PSAPL1: variants seen among roughly 807,000 people sequenced by gnomAD.
The protein encoded by PSAPL1 is proactivator polypeptide-like 1.
For missense variants in PSAPL1, 814 were observed against 688.8 expected (o/e 1.18, Z -2.03); for synonymous variants, 351 against 291.6 (o/e 1.20, Z -2.08).
Position 7,434,655 on chromosome 4 carries a change from G to T in PSAPL1, c.225C>A (p.Gly75=), listed in dbSNP as rs1346277121. 15 of 1,612,886 alleles carry T rather than the reference G, an allele frequency of 9.3e-6. No individual in the cohort carries two copies. The highest frequency in any genetic ancestry group is 1.3e-5 in the Non-Finnish European group (15 of 1,179,578). The change falls in exon 1 of 1, where the codon GGC becomes GGA. Residue 75 remains glycine, a synonymous_variant. Coordinates refer to ENST00000319098, the MANE Select transcript of PSAPL1 (RefSeq NM_001085382.2). The part of the protein sequence containing the change: ...DVCQDIAAAA[G]NGLNPDATES... Reference sequence around the variant, plus strand: ...CCGTGGCGTCAGGGTTCAGCCCATTGCCAGCGGCGGCTGCTATGTCCTGGC... The same window carrying T: ...CCGTGGCGTCAGGGTTCAGCCCATTTCCAGCGGCGGCTGCTATGTCCTGGC...
chr4:7,431,260 T>C lies in PSAPL1; in HGVS notation c.*2054A>G, dbSNP rs926663763. 6 of 151,718 alleles carry C rather than the reference T, an allele frequency of 4.0e-5. No homozygotes were observed. Among genetic ancestry groups the C allele is most frequent in the African/African-American group, 9.7e-5 (4 of 41,226 alleles). The allele number at this position is 151,718 out of a possible 1,614,324, so 9.4% of individuals were successfully genotyped here. A position where few individuals can be genotyped will look rare whatever the true frequency, so the allele number is the denominator to read the frequency against. ...GCAGCTGGTACCCAGGCCCAAGGGG[T>C]GGGTAGGGAAGAGGGTGTGGGGACA... On this transcript the variant is annotated 3_prime_UTR_variant, in exon 1 of 1. Transcript: ENST00000319098.
Position 7,433,319 on chromosome 4 carries a change from C to G in PSAPL1, c.1561G>C (p.Ala521Pro), listed in dbSNP as rs1056786507. ...KEMHLHAGEH[A>P] ...TGGGTCTCTGGCAGCCACGGTCACG[C>G]GTGTTCCCCAGCGTGGAGGTGCATC... The change falls in exon 1 of 1, where the codon GCG becomes CCG. Residue 521 changes from alanine to proline, a missense_variant. By Grantham distance (27) the Ala-to-Pro change is conservative. Coordinates refer to ENST00000319098, the MANE Select transcript of PSAPL1 (RefSeq NM_001085382.2). The G allele has an allele frequency of 2.8e-6, 4 of 1,406,170 alleles. 1 individual carries two copies. Among genetic ancestry groups the G allele is most frequent in the Non-Finnish European group, 3.7e-6 (4 of 1,076,992 alleles). The allele number at this position is 1,406,170 out of a possible 1,614,324, so 87.1% of individuals were successfully genotyped here. A position where few individuals can be genotyped will look rare whatever the true frequency, so the allele number is the denominator to read the frequency against.
At chr4:7,434,234 AG>A in the PSAPL1 span, 3 of 1,613,596 alleles carry the variant, frequency 1.9e-6, no homozygotes, top group South Asian at 3.3e-5. Context: ...CCAGGCCCCA[AG>A]GACTCACACT....
Position 7,433,774 on chromosome 4 carries a change from C to G in PSAPL1, c.1106G>C (p.Arg369Pro). Reference sequence around the variant, plus strand: ...ATCATGGACTGCCCGGGCCCGCCTCCGGTTGCCACACAGACGGATGAACTT... The same window carrying G: ...ATCATGGACTGCCCGGGCCCGCCTCGGGTTGCCACACAGACGGATGAACTT... ...VCKFIRLCGN[R>P]RRARAVHDAY... Residue 369 changes from arginine (R) to proline (P), a missense_variant, in exon 1 of 1, where the codon CGG becomes CCG. By Grantham distance (103) the Arg-to-Pro change is moderately radical. Transcript: ENST00000319098. 8 of 1,613,482 alleles carry G rather than the reference C, an allele frequency of 5.0e-6. No homozygotes were observed. The highest frequency in any genetic ancestry group is 5.9e-6 in the Non-Finnish European group (7 of 1,179,824).
Position 7,433,913 on chromosome 4 carries a change from G to T in PSAPL1, c.967C>A (p.Arg323Ser). 6.2e-7 allele frequency: 1 copy of T among 1,613,826 alleles called. No homozygotes were observed. The highest frequency in any genetic ancestry group is 8.5e-7 in the Non-Finnish European group (1 of 1,179,882). The change falls in exon 1 of 1, where the codon CGC (arginine) becomes AGC (serine). Residue 323 changes from arginine (R) to serine (S), a missense_variant. By Grantham distance (110) the Arg-to-Ser change is moderately radical. Coordinates refer to ENST00000319098, the MANE Select transcript of PSAPL1 (RefSeq NM_001085382.2). ...SELMITHALE[R>S]VCSVMPASIT... ...GAGGCAGGCATTACCGAGCACACGC[G>T]CTCCAGGGCATGGGTGATCATGAGC...
At position 7,433,582 on chromosome 4, in the gene PSAPL1, G is replaced by T. The variant is rs1445656021; in HGVS notation, c.1298C>A (p.Pro433His). The T allele has an allele frequency of 1.4e-5, 22 of 1,611,442 alleles. No individual in the cohort carries two copies. Among genetic ancestry groups the T allele is most frequent in the Non-Finnish European group, 1.8e-5 (21 of 1,179,072 alleles). The change falls in exon 1 of 1, where the codon CCC becomes CAC. Residue 433 changes from proline to histidine, a missense_variant. Pro to His is a moderately conservative substitution (Grantham distance 77). Transcript: ENST00000319098. ...GAAGTGCTTGCACTGGATCATATAG[G>T]GCAGCGGCAGGATGCTGCAGCCACC... ...FKGGCSILPLPYMIQCKHFVT... is the reference protein window; with the variant it reads ...FKGGCSILPLHYMIQCKHFVT...
Position 7,431,447 on chromosome 4 carries a change from C to T in PSAPL1, c.*1867G>A, listed in dbSNP as rs1726847490. Reference sequence around the variant, plus strand: ...ACATACTTCCCGGTAGGCATCCTCCCGACTCACAGCCAAGCCAGAGGAGGG... The same window carrying T: ...ACATACTTCCCGGTAGGCATCCTCCTGACTCACAGCCAAGCCAGAGGAGGG... On this transcript the variant is annotated 3_prime_UTR_variant, in exon 1 of 1. Coordinates refer to ENST00000319098, the MANE Select transcript of PSAPL1 (RefSeq NM_001085382.2). 3 of 152,350 alleles carry T rather than the reference C, an allele frequency of 2.0e-5. No individual in the cohort carries two copies. Among genetic ancestry groups the T allele is most frequent in the Admixed American group, 6.5e-5 (1 of 15,296 alleles). 9.4% of individuals were successfully genotyped at this position (152,350 alleles called of 1,614,324 possible).
Position 7,431,869 on chromosome 4 carries a change from C to T in PSAPL1, c.*1445G>A, listed in dbSNP as rs1253472471. 1 of 152,276 alleles carries T rather than the reference C, an allele frequency of 6.6e-6. No homozygotes were observed. Among genetic ancestry groups the T allele is most frequent in the African/African-American group, 2.4e-5 (1 of 41,460 alleles). The allele number at this position is 152,276 out of a possible 1,614,324, so 9.4% of individuals were successfully genotyped here. A position where few individuals can be genotyped will look rare whatever the true frequency, so the allele number is the denominator to read the frequency against. On this transcript the variant is annotated 3_prime_UTR_variant, in exon 1 of 1. Coordinates refer to ENST00000319098, the MANE Select transcript of PSAPL1 (RefSeq NM_001085382.2). ...CCTCTTGGAAAACAGCACCCGCTCA[C>T]ATCCCGTCCATCCAGGCCTGGCGCA...
In PSAPL1 at chr4:7,434,128, C is replaced by T. The variant is rs1172616004; in HGVS notation, c.752G>A (p.Gly251Glu). 6.2e-7 allele frequency: 1 copy of T among 1,613,256 alleles called. No individual in the cohort carries two copies. Among genetic ancestry groups the T allele is most frequent in the Non-Finnish European group, 8.5e-7 (1 of 1,179,358 alleles). Residue 251 changes from glycine (G) to glutamate (E), a missense_variant, in exon 1 of 1, where the codon GGG becomes GAG. By Grantham distance (98) the Gly-to-Glu change is moderately conservative (BLOSUM62 -2). Transcript: ENST00000319098. Reference protein sequence around the residue: ...LLPPQELCRKGGFCEELGAPA... With the variant: ...LLPPQELCRKEGFCEELGAPA... Reference sequence around the variant, plus strand: ...TGCCCCTAGCTCCTCACAGAATCCCCCCTTCCTGCAGAGCTCCTGCGGGGG... The same window carrying T: ...TGCCCCTAGCTCCTCACAGAATCCCTCCTTCCTGCAGAGCTCCTGCGGGGG...
chr4:7,434,243 AC>A, the PSAPL1 span: 1 of 1,613,546 alleles, frequency 6.2e-7, no homozygotes, highest in Non-Finnish European at 8.5e-7. Flanking sequence ...AAGGACTCAC[AC>A]TGCTCCTGGA....
At position 7,433,998 on chromosome 4, in the gene PSAPL1, A is replaced by G; in HGVS notation, c.882T>C (p.Cys294=). 2 of 1,613,398 alleles carry G rather than the reference A, an allele frequency of 1.2e-6. No homozygotes were observed. Among genetic ancestry groups the G allele is most frequent in the Non-Finnish European group, 1.7e-6 (2 of 1,179,488 alleles). ...TCTGCACCACGTTCATGCACACCTC[A>G]CAGGTCACACCGGCCTTCATCTGCA... is the stretch of plus-strand genomic sequence containing the variant. ...SEMQMKAGVT[C]EVCMNVVQKL... The change falls in exon 1 of 1, where the codon TGT becomes TGC. Residue 294 remains cysteine, a synonymous_variant. Coordinates refer to ENST00000319098, the MANE Select transcript of PSAPL1 (RefSeq NM_001085382.2).
rs1231529367 is a variant in PSAPL1 at position 7,433,172 on chromosome 4, G to T, written c.*142C>A. ...TTAAGAGAGAGGCTTTCGGGATCAGGAATACTTGGTTTTGAACTTCAGCTC... is the reference window on the plus strand; with the variant it reads ...TTAAGAGAGAGGCTTTCGGGATCAGTAATACTTGGTTTTGAACTTCAGCTC... On this transcript the variant is annotated 3_prime_UTR_variant, in exon 1 of 1. Transcript: ENST00000319098. 9.5e-6 allele frequency: 8 copies of T among 838,202 alleles called. No individual in the cohort carries two copies. The highest frequency in any genetic ancestry group is 1.3e-5 in the Non-Finnish European group (8 of 609,814). The allele number at this position is 838,202 out of a possible 1,614,324, so 51.9% of individuals were successfully genotyped here. A position where few individuals can be genotyped will look rare whatever the true frequency, so the allele number is the denominator to read the frequency against.
rs745544919 is a variant in PSAPL1, at chr4:7,434,739, C to T, written c.141G>A (p.Gly47=). The change falls in exon 1 of 1, where the codon GGG becomes GGA. Residue 47 remains glycine (G), a synonymous_variant. Transcript: ENST00000319098. ...TGTTCCATACGGCCCCTTGGCAGTA[C>T]CCCACAGCCCCGCACCTGGCAGCTG... ...LQTAARCGAV[G]YCQGAVWNKP... 1 of 1,613,060 alleles carries T rather than the reference C, an allele frequency of 6.2e-7. No individual in the cohort carries two copies. Among genetic ancestry groups the T allele is most frequent in the Non-Finnish European group, 8.5e-7 (1 of 1,179,594 alleles).
In PSAPL1 at chr4:7,433,940, C is replaced by T. The variant is rs368136538; in HGVS notation, c.940G>A (p.Glu314Lys). 6.2e-7 allele frequency: 1 copy of T among 1,613,780 alleles called. No homozygotes were observed. Among genetic ancestry groups the T allele is most frequent in the African/African-American group, 1.3e-5 (1 of 74,932 alleles). ...LDHWLMSNSS[E>K]LMITHALERV... ...TCCAGGGCATGGGTGATCATGAGCTCAGAGCTGTTGGACATGAGCCAGTGG... is the reference window on the plus strand; with the variant it reads ...TCCAGGGCATGGGTGATCATGAGCTTAGAGCTGTTGGACATGAGCCAGTGG... Residue 314 changes from glutamate (E) to lysine (K), a missense_variant, in exon 1 of 1, where the codon GAG becomes AAG. Glu to Lys is a moderately conservative substitution (Grantham distance 56). Transcript: ENST00000319098.
Position 7,433,318 on chromosome 4 carries a change from G to C in PSAPL1, c.1562C>G (p.Ala521Gly). 1.4e-6 allele frequency: 2 copies of C among 1,403,154 alleles called. No homozygotes were observed. Among genetic ancestry groups the C allele is most frequent in the Non-Finnish European group, 1.9e-6 (2 of 1,075,528 alleles). 86.9% of individuals were successfully genotyped at this position (1,403,154 alleles called of 1,614,324 possible). The change falls in exon 1 of 1, where the codon GCG becomes GGG. Residue 521 changes from alanine (A) to glycine (G), a missense_variant. Transcript: ENST00000319098. ...KEMHLHAGEHA is the reference protein window; with the variant it reads ...KEMHLHAGEHG ...CTGGGTCTCTGGCAGCCACGGTCAC[G>C]CGTGTTCCCCAGCGTGGAGGTGCAT...
chr4:7,433,091 A>G lies in PSAPL1; in HGVS notation c.*223T>C, dbSNP rs1726996101. 2 of 397,566 alleles carry G rather than the reference A, an allele frequency of 5.0e-6. No homozygotes were observed. The highest frequency in any genetic ancestry group is 2.1e-5 in the African/African-American group (1 of 48,572). 24.6% of individuals were successfully genotyped at this position (397,566 alleles called of 1,614,324 possible). On this transcript the variant is annotated 3_prime_UTR_variant, in exon 1 of 1. Coordinates refer to ENST00000319098, the MANE Select transcript of PSAPL1 (RefSeq NM_001085382.2). ...GCTGGGTCAGGGAGCGGGGCACATGAGTGTGTTCCGGTCCAGTAGAGATGC... is the reference window on the plus strand; with the variant it reads ...GCTGGGTCAGGGAGCGGGGCACATGGGTGTGTTCCGGTCCAGTAGAGATGC...
Position 7,430,509 on chromosome 4 carries a change from A to ACGT in PSAPL1, c.*2802_*2804dup. 1 of 152,238 alleles carries ACGT rather than the reference A, an allele frequency of 6.6e-6. No homozygotes were observed. Among genetic ancestry groups the ACGT allele is most frequent in the East Asian group, 1.9e-4 (1 of 5,188 alleles). 9.4% of individuals were successfully genotyped at this position (152,238 alleles called of 1,614,324 possible). ...GGGCAGCATCCATAGGTGTTCTGGG[A>ACGT]CGTCCCAGGCCTCCGCCTTACGATG... On this transcript the variant is annotated 3_prime_UTR_variant, in exon 1 of 1. Coordinates refer to ENST00000319098, the MANE Select transcript of PSAPL1 (RefSeq NM_001085382.2).
At position 7,434,793 on chromosome 4, in the gene PSAPL1, G is replaced by A; in HGVS notation, c.87C>T (p.Gly29=). ...PTSGPQECAK[G]STVWCQDLQT... Reference sequence around the variant, plus strand: ...GCAGATCCTGACACCACACCGTGGAGCCCTTTGCACACTCCTGGGGGCCTG... The same window carrying A: ...GCAGATCCTGACACCACACCGTGGAACCCTTTGCACACTCCTGGGGGCCTG... Residue 29 remains glycine (G), a synonymous_variant, in exon 1 of 1, where the codon GGC becomes GGT. Coordinates refer to ENST00000319098, the MANE Select transcript of PSAPL1 (RefSeq NM_001085382.2). 1 of 1,610,858 alleles carries A rather than the reference G, an allele frequency of 6.2e-7. No individual in the cohort carries two copies. The highest frequency in any genetic ancestry group is 1.1e-5 in the South Asian group (1 of 90,370).
chr4:7,434,566 G>T lies in PSAPL1; in HGVS notation c.314C>A (p.Ala105Asp). ...CEWLPSQESS[A>D]GCKWMVDAHS... ...GGCATCCACCATCCACTTGCATCCGGCTGAAGACTCCTGGCTGGGGAGCCA... is the reference window on the plus strand; with the variant it reads ...GGCATCCACCATCCACTTGCATCCGTCTGAAGACTCCTGGCTGGGGAGCCA... Residue 105 changes from alanine (A) to aspartate (D), a missense_variant, in exon 1 of 1, where the codon GCC (alanine) becomes GAC (aspartate). Transcript: ENST00000319098. 1 of 1,613,408 alleles carries T rather than the reference G, an allele frequency of 6.2e-7. No homozygotes were observed. Among genetic ancestry groups the T allele is most frequent in the Middle Eastern group, 1.7e-4 (1 of 6,058 alleles).
Sources: gnomAD v4.1 joint callset for allele counts on GRCh38, gnomAD v4.1.1 for gene constraint, MANE v1.5 for transcripts, NCBI Gene and HGNC (gene_info 2026-07-23, HGNC 2026-07-21) for gene names.